PRKCA: variants seen among roughly 807,000 people sequenced by gnomAD.
PRKCA encodes the protein protein kinase C alpha type.
In PRKCA, 27 loss-of-function variants were observed where a neutral mutation model predicts 87.0. The ratio of observed to expected loss-of-function variants is 0.31; its 90% CI spans 0.23 to 0.43. The LOEUF (loss-of-function observed/expected upper bound fraction) is 0.43. Among genes scored for constraint, PRKCA ranks in the 20% least tolerant of loss-of-function variants. The probability of loss-of-function intolerance (pLI) is 1.00; values close to 1 mark genes in which losing one functional copy is unlikely to be tolerated. For missense variants in PRKCA, 518 were observed against 852.3 expected (o/e 0.61, Z 4.88); for synonymous variants, 329 against 311.1 (o/e 1.06, Z -0.61).
chr17:66,398,626 A>T (rs1910823466), intron 2 of PRKCA, among the ~76,000 whole-genome samples: 1 of 152,178 alleles, frequency 6.6e-6, no homozygotes. Context: ...GAAGCAAGAC[A>T]GAGAGGGAAC....
At chr17:66,710,811 C>T (rs994567110) in intron 8 of PRKCA, among the ~76,000 whole-genome samples, 1 of 152,066 alleles carries the variant, frequency 6.6e-6, no homozygotes, top group East Asian at 1.9e-4. Context: ...AGGTGGATCA[C>T]CCGAGGTCAG....
At chr17:66,673,832 C>G (rs149215007) in intron 5 of PRKCA, among the ~76,000 whole-genome samples, 43 of 152,334 alleles carry the variant, frequency 2.8e-4, no homozygotes, top group African/African-American at 9.9e-4. Context: ...CTTTCTGACC[C>G]ATTTTTCCTG....
intron 3 of PRKCA, among the ~76,000 whole-genome samples, chr17:66,632,976 A>C (rs960622568): frequency 6.6e-5 from 10 of 152,232 alleles, no homozygotes; most frequent in African/African-American, 2.4e-4. Context: ...GTTATTCACC[A>C]GAATAAACTG....
intron 3 of PRKCA, among the ~76,000 whole-genome samples, chr17:66,541,241 C>G (rs1967976029): frequency 6.6e-6 from 1 of 152,150 alleles, no homozygotes; most frequent in South Asian, 2.1e-4. Context: ...CTCCACTGCA[C>G]AGATTGACCA....
chr17:66,709,312 T>C (rs1024721644), intron 8 of PRKCA, among the ~76,000 whole-genome samples: 21 of 145,846 alleles, frequency 1.4e-4, no homozygotes, highest in South Asian at 4.5e-4. Context: ...TTTTTTTTTT[T>C]TTTTTTTTTT....
Position 66,377,519 on chromosome 17 carries a change from GTATA to G in PRKCA, c.205+71399_205+71402del, listed in dbSNP as rs147959134. Among the ~76,000 whole-genome samples the G allele has an allele frequency of 1.0e-4, 15 of 147,310 alleles. 1 individual carries two copies. In the South Asian group the frequency reaches 2.7e-3, roughly 27 times the overall value. On this transcript the variant is annotated intron_variant, in intron 2 of 16. Coordinates refer to ENST00000413366, the MANE Select transcript of PRKCA (RefSeq NM_002737.3). The stretch of plus-strand genomic sequence containing the variant: ...TGTATACATGTATATACGTATATAT[GTATA>G]TATATAATGCCTATATTATGTATAT...
chr17:66,499,988 G>T (rs1319705801), intron 3 of PRKCA, among the ~76,000 whole-genome samples: 1 of 152,164 alleles, frequency 6.6e-6, no homozygotes. Context: ...CTGCCAACGT[G>T]ATTGTATTAA....
At chr17:66,342,148 G>A (rs981041270) in intron 2 of PRKCA, among the ~76,000 whole-genome samples, 1 of 152,202 alleles carries the variant, frequency 6.6e-6, no homozygotes, top group African/African-American at 2.4e-5. Context: ...TCATGGCGGG[G>A]CGCGGTGGCT....
chr17:66,644,457 C>A (rs966064369), intron 4 of PRKCA, among the ~76,000 whole-genome samples: 5 of 152,074 alleles, frequency 3.3e-5, no homozygotes, highest in African/African-American at 4.8e-5. Flanking sequence ...GCTGGAACAC[C>A]CACACACAGT....
At chr17:66,690,133 A>G (rs1421808123) in intron 8 of PRKCA, among the ~76,000 whole-genome samples, 1 of 152,238 alleles carries the variant, frequency 6.6e-6, no homozygotes, top group Non-Finnish European at 1.5e-5. Flanking sequence ...TCTTATCCAG[A>G]GAGAATGAAT....
chr17:66,350,350 T>A (rs895785861), intron 2 of PRKCA, among the ~76,000 whole-genome samples: 3 of 151,752 alleles, frequency 2.0e-5, no homozygotes, highest in Admixed American at 2.0e-4. Context: ...GGAGCTGGGG[T>A]CTTTCATGTG....
At position 66,545,882 on chromosome 17, in the gene PRKCA, T is replaced by G. The variant is rs898615086; in HGVS notation, c.288+49599T>G. On this transcript the variant is annotated intron_variant, in intron 3 of 16. Transcript: ENST00000413366. ...TTCATTTTTCTTTTAGGAAAAAAAG[T>G]AAATTAGATTTTGTATGAGAATAAA... Among the ~76,000 whole-genome samples, 3 of 152,226 alleles carry G rather than the reference T, an allele frequency of 2.0e-5. 1 individual carries two copies. The South Asian group carries it at 6.2e-4, about 31-fold the overall frequency.
intron 8 of PRKCA, among the ~76,000 whole-genome samples, chr17:66,718,015 G>A (rs77748014): frequency 0.07 from 10,673 of 152,270 alleles, 413 homozygotes; most frequent in South Asian, 0.15. Flanking sequence ...GAAAAATGCC[G>A]TCAGAAGGAA....
At chr17:66,436,742 GGGA>G (rs1158935349) in intron 2 of PRKCA, among the ~76,000 whole-genome samples, 2 of 152,174 alleles carry the variant, frequency 1.3e-5, no homozygotes, top group Non-Finnish European at 2.9e-5. Context: ...GTGGATTGGT[GGGA>G]GCACAGTGAG....
chr17:66,565,768 G>T (rs1968871772), intron 3 of PRKCA, among the ~76,000 whole-genome samples: 1 of 151,886 alleles, frequency 6.6e-6, no homozygotes, highest in Non-Finnish European at 1.5e-5. Context: ...TTGGTGGGTG[G>T]CATGGCAGGA....
intron 5 of PRKCA, among the ~76,000 whole-genome samples, chr17:66,684,845 C>T (rs1447430523): frequency 6.6e-6 from 1 of 152,136 alleles, no homozygotes; most frequent in Non-Finnish European, 1.5e-5. Context: ...TTAGACATTC[C>T]AGGGCATTTT....
At chr17:66,372,996 T>G (rs1567795573) in intron 2 of PRKCA, among the ~76,000 whole-genome samples, 1 of 151,814 alleles carries the variant, frequency 6.6e-6, no homozygotes, top group African/African-American at 2.4e-5. Context: ...GAGGTGGAGG[T>G]TGCAGTGAGT....
At chr17:66,630,042 T>G (rs1970966813) in intron 3 of PRKCA, among the ~76,000 whole-genome samples, 1 of 152,166 alleles carries the variant, frequency 6.6e-6, no homozygotes, top group African/African-American at 2.4e-5. Context: ...TAAAATTATT[T>G]CAAAATAAAT....
At chr17:66,556,326 T>C (rs112764450) in intron 3 of PRKCA, among the ~76,000 whole-genome samples, 53 of 145,886 alleles carry the variant, frequency 3.6e-4, no homozygotes, top group Admixed American at 2.6e-3. Context: ...TCTTCTTCTT[T>C]TTTTTTTTTT....
Sources: allele counts gnomAD v4.1 joint callset (sites outside exome capture counted in the v4.1 genomes callset), GRCh38; gene constraint gnomAD v4.1.1; transcripts MANE v1.5; gene names NCBI Gene and HGNC (gene_info 2026-07-23, HGNC 2026-07-21).